The following CPED1 variants were observed in gnomAD, a reference collection of about 807,000 sequenced individuals.
CPED1 encodes cadherin-like and PC-esterase domain-containing protein 1.
Under a neutral mutation model 128.2 loss-of-function variants are expected in CPED1, and 114 were observed. The ratio of observed to expected loss-of-function variants is 0.89; its 90% confidence interval spans 0.76 to 1.04. The LOEUF (loss-of-function observed/expected upper bound fraction) is 1.04, where lower values mean the gene tolerates loss of function less well. Ranked by LOEUF, CPED1 falls within the 50% of genes least tolerant of loss-of-function variation. The pLI, the probability that CPED1 is intolerant of heterozygous loss-of-function variation, is 0.00. For missense variants in CPED1, 1,211 were observed against 1,207.1 expected (o/e 1.00, Z -0.05); for synonymous variants, 462 against 426.7 (o/e 1.08, Z -1.02).
chr7:121,181,089 A>G (rs1246576253), intron 16 of CPED1, among the ~76,000 whole-genome samples: 1 of 152,122 alleles, frequency 6.6e-6, no homozygotes, highest in Non-Finnish European at 1.5e-5. Context: ...AGGAAACTGT[A>G]TGAGATGAAG....
chr7:121,004,329 G>C (rs976711682), intron 2 of CPED1, among the ~76,000 whole-genome samples: 1 of 152,142 alleles, frequency 6.6e-6, no homozygotes, highest in African/African-American at 2.4e-5. Flanking sequence ...CTCCTCCAGG[G>C]GGTATAAATG....
chr7:121,177,735 T>C (rs1231753801), intron 16 of CPED1, among the ~76,000 whole-genome samples: 1 of 152,094 alleles, frequency 6.6e-6, no homozygotes, highest in African/African-American at 2.4e-5. Context: ...TCTGCTACTA[T>C]AATGTCATGA....
At chr7:121,267,150 AAAC>A in intron 20 of CPED1, 62 bp from the exon 21 acceptor site, 2 of 896,208 alleles carry the variant, frequency 2.2e-6, no homozygotes, top group Non-Finnish European at 3.5e-6. Flanking sequence ...TTGTTTATAT[AAAC>A]AACAAACATC....
intron 18 of CPED1, among the ~76,000 whole-genome samples, chr7:121,259,849 T>G (rs1323663350): frequency 6.6e-6 from 1 of 152,020 alleles, no homozygotes; most frequent in Non-Finnish European, 1.5e-5. Context: ...AAAAAGTACT[T>G]AAACTCAGCT....
At chr7:121,199,697 A>AAAAAAAAAAG (rs1797350348) in intron 16 of CPED1, among the ~76,000 whole-genome samples, 1 of 41,758 alleles carries the variant, frequency 2.4e-5, no homozygotes, top group African/African-American at 9.5e-5. Context: ...AAAAAAAAAA[A>AAAAAAAAAAG]AAAGAAAGAA....
chr7:121,254,534 G>A (rs1798760697), intron 18 of CPED1, among the ~76,000 whole-genome samples: 1 of 151,588 alleles, frequency 6.6e-6, no homozygotes, highest in African/African-American at 2.4e-5. Flanking sequence ...CCAAAACCTA[G>A]CAGAAAAAAA....
chr7:121,254,605 A>G lies in CPED1; in HGVS notation c.2310+10267A>G, dbSNP rs544873780. Among the ~76,000 whole-genome samples the G allele has an allele frequency of 1.3e-5, 2 of 152,162 alleles. 1 individual carries two copies. The highest frequency in any genetic ancestry group is 4.1e-4 in the South Asian group (2 of 4,828). Reference sequence around the variant, plus strand: ...AGAGATGTAAAAATCCTTACAAAAGATCAGTGAAAACAGAAGTCGGTTCTT... The same window carrying G: ...AGAGATGTAAAAATCCTTACAAAAGGTCAGTGAAAACAGAAGTCGGTTCTT... On this transcript the variant is annotated intron_variant, in intron 18 of 22. Transcript: ENST00000310396.
chr7:121,214,140 C>T (rs1460020408), intron 16 of CPED1, among the ~76,000 whole-genome samples: 1 of 151,918 alleles, frequency 6.6e-6, no homozygotes, highest in Non-Finnish European at 1.5e-5. Context: ...ATATTTGTGG[C>T]AAGAATGCTA....
At position 121,266,738 on chromosome 7, in the gene CPED1, G is replaced by A; in HGVS notation, c.2563G>A (p.Val855Ile). ...SRPLENTGQT[V>I]LVVGGVQWLN... ...TCCCCTAGAGAATACTGGCCAGACT[G>A]TATTGGTTGTTGGTGGTGTTCAGTG... The change falls in exon 20 of 23, where the codon GTA becomes ATA. Residue 855 changes from valine to isoleucine, a missense_variant. By Grantham distance (29) the Val-to-Ile change is conservative. Transcript: ENST00000310396. The A allele has an allele frequency of 6.2e-7, 1 of 1,612,918 alleles. No homozygotes were observed. Among genetic ancestry groups the A allele is most frequent in the African/African-American group, 1.3e-5 (1 of 74,958 alleles).
At chr7:121,019,969 A>G (rs906544785) in intron 3 of CPED1, among the ~76,000 whole-genome samples, 2 of 152,026 alleles carry the variant, frequency 1.3e-5, no homozygotes, top group African/African-American at 2.4e-5. Context: ...TCCAAGTAGT[A>G]TGTCATCAAG....
chr7:121,089,983 T>C (rs996439803), intron 5 of CPED1, among the ~76,000 whole-genome samples: 21 of 152,178 alleles, frequency 1.4e-4, no homozygotes, highest in Admixed American at 9.2e-4. Context: ...AGCGAAATCA[T>C]AGGGCAAGAA....
chr7:121,222,867 G>T (rs1370710970), intron 16 of CPED1, among the ~76,000 whole-genome samples: 1 of 152,156 alleles, frequency 6.6e-6, no homozygotes, highest in African/African-American at 2.4e-5. Flanking sequence ...CTGAGACAAT[G>T]GGGTTTTCTA....
At chr7:121,084,299 A>G (rs1409673223) in intron 5 of CPED1, among the ~76,000 whole-genome samples, 2 of 152,220 alleles carry the variant, frequency 1.3e-5, no homozygotes, top group Non-Finnish European at 2.9e-5. Flanking sequence ...ACATAATTTT[A>G]ACAAACCAGT....
At position 121,059,949 on chromosome 7, in the gene CPED1, C is replaced by T. The variant is rs184379178; in HGVS notation, c.541-4289C>T. On this transcript the variant is annotated intron_variant, in intron 4 of 22. Coordinates refer to ENST00000310396, the MANE Select transcript of CPED1 (RefSeq NM_024913.5). ...TGGCCAAGACCGGAGCCGTCTCCCT[C>T]AGCTTGCAGGGAGGTGTGGAGGGAG... Among the ~76,000 whole-genome samples, 749 of 152,296 alleles carry T rather than the reference C, an allele frequency of 4.9e-3. 6 individuals are homozygous for T. The highest frequency in any genetic ancestry group is 0.017 in the African/African-American group (712 of 41,536).
At chr7:121,100,185 T>C in intron 7 of CPED1, 91 bp downstream of exon 7, 1 of 1,077,978 alleles carries the variant, frequency 9.3e-7, no homozygotes, top group Non-Finnish European at 1.4e-6. Flanking sequence ...TTTATGGTTA[T>C]CAAATCCCAT....
At chr7:121,131,195 AT>A (rs1367577219) in intron 12 of CPED1, among the ~76,000 whole-genome samples, 2 of 152,076 alleles carry the variant, frequency 1.3e-5, no homozygotes, top group African/African-American at 4.8e-5. Flanking sequence ...TAAAAACTTT[AT>A]TTTTACAATT....
intron 16 of CPED1, among the ~76,000 whole-genome samples, chr7:121,154,454 T>G (rs1050472277): frequency 6.6e-6 from 1 of 152,144 alleles, no homozygotes; most frequent in Non-Finnish European, 1.5e-5. Context: ...TTTATTTTTT[T>G]GAGGTATATT....
At chr7:121,027,742 GTAATAA>G (rs10682627) in intron 3 of CPED1, among the ~76,000 whole-genome samples, 4,502 of 143,454 alleles carry the variant, frequency 0.031, 184 homozygotes, top group African/African-American at 0.089. Context: ...ATAACCTTTA[GTAATAA>G]TAATAATAAT....
intron 18 of CPED1, among the ~76,000 whole-genome samples, chr7:121,259,331 G>C (rs1791958376): frequency 6.6e-6 from 1 of 152,024 alleles, no homozygotes; most frequent in Non-Finnish European, 1.5e-5. Flanking sequence ...AACATGAACA[G>C]GAGGCTGATC....
Sources: allele counts gnomAD v4.1 joint callset (sites outside exome capture counted in the v4.1 genomes callset), GRCh38; gene constraint gnomAD v4.1.1; transcripts MANE v1.5; gene names NCBI Gene and HGNC (gene_info 2026-07-23, HGNC 2026-07-21).